AGMAT: variants seen among roughly 807,000 people sequenced by gnomAD.
AGMAT encodes the protein guanidino acid hydrolase, mitochondrial.
In AGMAT, 37 loss-of-function variants were observed where a neutral mutation model predicts 29.3. That is an observed-to-expected ratio of 1.26 (90% CI 0.97 to 1.66). The LOEUF is 1.66. AGMAT is among the 40% of genes most tolerant of loss of function. The pLI is 0.00. For synonymous variants in AGMAT, 199 were observed against 200.8 expected, an observed-to-expected ratio of 0.99 and a Z score of 0.08; for missense variants, 498 against 497.8, an observed-to-expected ratio of 1.00 and a Z score of 0.00.
chr1:15,580,430 C>A (rs1639096592), intron 2 of AGMAT, among the ~76,000 whole-genome samples: 2 of 151,704 alleles, frequency 1.3e-5, no homozygotes, highest in Non-Finnish European at 2.9e-5. Context: ...GTCTCAAACT[C>A]CTGACCTCAA....
rs549635682 is a variant in AGMAT, at chr1:15,584,938, G to A, written c.30C>T (p.Ala10=). 282 of 1,366,280 alleles carry A rather than the reference G, an allele frequency of 2.1e-4. No individual in the cohort carries two copies. In the African/African-American group the frequency reaches 3.3e-3, roughly 16 times the overall value. The allele number at this position is 1,366,280 out of a possible 1,614,324, so 84.6% of individuals were successfully genotyped here. A position where few individuals can be genotyped will look rare whatever the true frequency, so the allele number is the denominator to read the frequency against. The part of the protein sequence containing the change: MLRLLASGC[A]RGPGPGVGAR... Reference sequence around the variant, plus strand: ...CGCCCACGCCGGGCCCCGGGCCCCGGGCGCACCCGGACGCCAGCAGCCTCA... The same window carrying A: ...CGCCCACGCCGGGCCCCGGGCCCCGAGCGCACCCGGACGCCAGCAGCCTCA... The change falls in exon 1 of 7, where the codon GCC becomes GCT. Residue 10 remains alanine, a synonymous_variant. Coordinates refer to ENST00000375826, the MANE Select transcript of AGMAT (RefSeq NM_024758.5).
At chr1:15,577,973 C>T in intron 4 of AGMAT, 109 bp from the exon 5 acceptor site, 2 of 1,053,182 alleles carry the variant, frequency 1.9e-6, no homozygotes, top group Non-Finnish European at 2.7e-6. Context: ...CCCTCCATCT[C>T]CATGAAGAGG....
intron 5 of AGMAT, chr1:15,575,348 A>G (rs1463062178): frequency 6.5e-6 from 1 of 154,044 alleles, no homozygotes; most frequent in Non-Finnish European, 1.4e-5. Context: ...AAAAGCCCAG[A>G]AGGTTGCTAA....
Position 15,584,832 on chromosome 1 carries a change from TG to T in AGMAT, c.135del (p.Ser46AlafsTer14). Reference sequence around the variant, plus strand: ...ACCGGCCGGGCCACGAACTCGGGGCTGGGGGGCTGGTTCCGGGGCGCGTCGG... The same window carrying T: ...ACCGGCCGGGCCACGAACTCGGGGCTGGGGGCTGGTTCCGGGGCGCGTCGG... The part of the protein sequence containing the change: ...QASDAPRNQP[P>X]SPEFVARPVG... On this transcript the variant is annotated frameshift_variant, in exon 1 of 7. Coordinates refer to ENST00000375826, the MANE Select transcript of AGMAT (RefSeq NM_024758.5). LOFTEE classifies it high-confidence loss of function. 12 of 1,430,278 alleles carry T rather than the reference TG, an allele frequency of 8.4e-6. No homozygotes were observed. The highest frequency in any genetic ancestry group is 1.5e-5 in the South Asian group (1 of 65,550). 88.6% of individuals were successfully genotyped at this position (1,430,278 alleles called of 1,614,324 possible).
intron 5 of AGMAT, chr1:15,575,681 T>A (rs1639027638): frequency 6.6e-6 from 1 of 152,266 alleles, no homozygotes; most frequent in African/African-American, 2.4e-5. Context: ...TGGGTGTTTC[T>A]AAAACTCTTG....
At position 15,573,729 on chromosome 1, in the gene AGMAT, GA is replaced by G. The variant is rs1557594672; in HGVS notation, c.986-6del. ...CCGCCAGCAGGGCTGTGTTCCCTAAGAAAAAGTAAAACCTCACATGAATACC... is the reference window on the plus strand; with the variant it reads ...CCGCCAGCAGGGCTGTGTTCCCTAAGAAAAGTAAAACCTCACATGAATACC... On this transcript the variant is annotated splice_region_variant and splice_polypyrimidine_tract_variant and intron_variant, in intron 6 of 6. Transcript: ENST00000375826. The G allele has an allele frequency of 1.2e-6, 2 of 1,613,894 alleles. No homozygotes were observed. The highest frequency in any genetic ancestry group is 1.1e-5 in the South Asian group (1 of 91,076).
intron 6 of AGMAT, 80 bp from the exon 7 acceptor site, chr1:15,573,804 T>TC (rs1638994135): frequency 8.0e-7 from 1 of 1,255,978 alleles, no homozygotes; most frequent in Non-Finnish European, 1.1e-6. Flanking sequence ...AGCTTTCTCT[T>TC]CCCCTTGTGC....
chr1:15,579,971 T>C (rs1482118887), intron 3 of AGMAT, 123 bp downstream of exon 3: 1 of 862,148 alleles, frequency 1.2e-6, no homozygotes, highest in East Asian at 2.4e-5. Context: ...TTAATTTTGA[T>C]CCCCAGAAGC....
chr1:15,577,235 C>T (rs1639053093), intron 5 of AGMAT, among the ~76,000 whole-genome samples: 1 of 152,080 alleles, frequency 6.6e-6, no homozygotes, highest in Non-Finnish European at 1.5e-5. Flanking sequence ...TCAAACTTAT[C>T]CTCAGCCCAG....
Position 15,585,021 on chromosome 1 carries a change from T to C in AGMAT, c.-54A>G. 3.1e-6 allele frequency: 4 copies of C among 1,281,172 alleles called. No homozygotes were observed. Among genetic ancestry groups the C allele is most frequent in the Non-Finnish European group, 3.9e-6 (4 of 1,017,452 alleles). 79.4% of individuals were successfully genotyped at this position (1,281,172 alleles called of 1,614,324 possible). A position where few individuals can be genotyped will look rare whatever the true frequency, so the allele number is the denominator to read the frequency against. On this transcript the variant is annotated 5_prime_UTR_variant, in exon 1 of 7. Transcript: ENST00000375826. ...CAAACCGCCCGCGAGGCCGCCGCGA[T>C]CTGGCTGGTCCCGAACGGCGAGGCG...
At chr1:15,583,057 A>G (rs1639137948) in intron 2 of AGMAT, 136 bp downstream of exon 2, 4 of 746,490 alleles carry the variant, frequency 5.4e-6, no homozygotes, top group Non-Finnish European at 8.7e-6. Flanking sequence ...TAAATGAATT[A>G]CAATGCTCTC....
At chr1:15,584,669 A>G (rs1392019029) in intron 1 of AGMAT, 27 bp downstream of exon 1, 2 of 1,293,570 alleles carry the variant, frequency 1.5e-6, no homozygotes, top group African/African-American at 3.0e-5. Flanking sequence ...CTCCACGTGT[A>G]CCCGGCCCCC....
chr1:15,581,050 AC>A (rs527765041), intron 2 of AGMAT, among the ~76,000 whole-genome samples: 222 of 152,270 alleles, frequency 1.5e-3, no homozygotes, highest in Non-Finnish European at 2.2e-3. Flanking sequence ...ACACAGCAAG[AC>A]CACGTCTCTA....
chr1:15,580,364 C>A (rs1287387959), intron 2 of AGMAT, among the ~76,000 whole-genome samples: 3 of 151,756 alleles, frequency 2.0e-5, no homozygotes, highest in South Asian at 2.1e-4. Context: ...TACCACCATA[C>A]CTGGCTAATT....
In AGMAT at chr1:15,573,734, A is replaced by G; in HGVS notation, c.986-10T>C. The G allele has an allele frequency of 6.2e-7, 1 of 1,613,700 alleles. No homozygotes were observed. The highest frequency in any genetic ancestry group is 1.3e-5 in the African/African-American group (1 of 75,030). Reference sequence around the variant, plus strand: ...AGCAGGGCTGTGTTCCCTAAGAAAAAGTAAAACCTCACATGAATACCCTGC... The same window carrying G: ...AGCAGGGCTGTGTTCCCTAAGAAAAGGTAAAACCTCACATGAATACCCTGC... On this transcript the variant is annotated splice_polypyrimidine_tract_variant and intron_variant, in intron 6 of 6. Transcript: ENST00000375826.
intron 1 of AGMAT, among the ~76,000 whole-genome samples, 161 bp from the exon 2 acceptor site, chr1:15,583,556 T>G (rs867416405): frequency 6.6e-6 from 1 of 152,154 alleles, no homozygotes; most frequent in Admixed American, 6.5e-5. Context: ...ACTCACTAGG[T>G]GCCAGTAGCA....
Position 15,572,819 on chromosome 1 carries a change from AT to A in AGMAT, c.*831del, listed in dbSNP as rs58974289. 0.27 allele frequency: 33,991 copies of A among 126,168 alleles called. 4,236 individuals are homozygous for A. Among genetic ancestry groups the A allele is most frequent in the African/African-American group, 0.39 (13,377 of 34,108 alleles). The allele number at this position is 126,168 out of a possible 1,614,324, so 7.8% of individuals were successfully genotyped here. A position where few individuals can be genotyped will look rare whatever the true frequency, so the allele number is the denominator to read the frequency against. On this transcript the variant is annotated 3_prime_UTR_variant, in exon 7 of 7. Transcript: ENST00000375826. ...CTAAGCACCTCATAGGAGAAGCTGT[AT>A]TTTTTTTTTTTTTTTTTGAGATGGA...
At position 15,573,257 on chromosome 1, in the gene AGMAT, C is replaced by CAAAAAA. The variant is rs36051155; in HGVS notation, c.*388_*393dup. The CAAAAAA allele has an allele frequency of 6.7e-6, 1 of 149,534 alleles. No individual in the cohort carries two copies. The allele number at this position is 149,534 out of a possible 1,614,324, so 9.3% of individuals were successfully genotyped here. The stretch of plus-strand genomic sequence containing the variant: ...CTGGGTGACAAGCAAAACTCTATCT[C>CAAAAAA]AAAAAAAAAAATGTTTAAAAGGAAG... On this transcript the variant is annotated 3_prime_UTR_variant, in exon 7 of 7. Coordinates refer to ENST00000375826, the MANE Select transcript of AGMAT (RefSeq NM_024758.5).
chr1:15,579,979 A>G (rs1003479553), intron 3 of AGMAT, 115 bp downstream of exon 3: 4 of 918,640 alleles, frequency 4.4e-6, no homozygotes, highest in Non-Finnish European at 7.2e-6. Flanking sequence ...GATCCCCAGA[A>G]GCAGCTCATA....
Sources: gnomAD v4.1 joint callset for allele counts (sites outside exome capture counted in the v4.1 genomes callset) on GRCh38, gnomAD v4.1.1 for gene constraint, MANE v1.5 for transcripts, NCBI Gene and HGNC (gene_info 2026-07-23, HGNC 2026-07-21) for gene names.